Variants in ERICH1 observed in about 807,000 individuals in gnomAD.
The protein encoded by ERICH1 is glutamate-rich protein 1.
In ERICH1, 56 loss-of-function variants were observed where a neutral mutation model predicts 39.6. The ratio of observed to expected loss-of-function variants is 1.41; its 90% confidence interval spans 1.14 to 1.77. ERICH1 has a LOEUF of 1.77. ERICH1 is among the 40% of genes most tolerant of loss of function. The probability of loss-of-function intolerance (pLI) is 0.00; values close to 1 mark genes in which losing one functional copy is unlikely to be tolerated. For synonymous variants in ERICH1, 313 were observed against 223.6 expected, an observed-to-expected ratio of 1.40 and a Z score of -3.57; for missense variants, 826 against 575.4, an observed-to-expected ratio of 1.44 and a Z score of -4.45.
intron 4 of ERICH1, among the ~76,000 whole-genome samples, chr8:669,783 C>T (rs1490651368): frequency 6.6e-6 from 1 of 152,230 alleles, no homozygotes; most frequent in Non-Finnish European, 1.5e-5. Context: ...GAAAACAAGC[C>T]CCCGACTTCC....
chr8:674,898 C>CT (rs1323145712), intron 3 of ERICH1, among the ~76,000 whole-genome samples: 10 of 152,308 alleles, frequency 6.6e-5, no homozygotes, highest in African/African-American at 9.6e-5. Flanking sequence ...CGGAAAAGTC[C>CT]TGAGTCCTCC....
chr8:692,609 G>C lies in ERICH1; in HGVS notation c.173C>G (p.Thr58Ser), dbSNP rs773045663. Residue 58 changes from threonine (T) to serine (S), a missense_variant, in exon 3 of 6, where the codon ACT (threonine) becomes AGT (serine). Coordinates refer to ENST00000262109, the MANE Select transcript of ERICH1 (RefSeq NM_207332.3). ...SQKHAEPLTDTGSETPTARRL... is the reference protein window; with the variant it reads ...SQKHAEPLTDSGSETPTARRL... ...TCGGGCAGTCGGGGTCTCAGAGCCA[G>C]TGTCTGCAACACAGGAGGAAAATAA... 1.1e-5 allele frequency: 18 copies of C among 1,595,960 alleles called. No homozygotes were observed. Among genetic ancestry groups the C allele is most frequent in the Middle Eastern group, 1.7e-4 (1 of 6,014 alleles).
At chr8:718,174 A>G (rs193248964) in intron 1 of ERICH1, among the ~76,000 whole-genome samples, 1 of 152,174 alleles carries the variant, frequency 6.6e-6, no homozygotes, top group East Asian at 1.9e-4. Flanking sequence ...CGCACAACGC[A>G]CAACACACCA....
chr8:713,392 A>G (rs1029014364), intron 2 of ERICH1, among the ~76,000 whole-genome samples: 1 of 152,238 alleles, frequency 6.6e-6, no homozygotes, highest in Admixed American at 6.5e-5. Flanking sequence ...ATCCTACTAC[A>G]CTGGGAGCTT....
At chr8:621,969 C>T (rs533137190) in intron 3 of ERICH1, among the ~76,000 whole-genome samples, 27 of 152,324 alleles carry the variant, frequency 1.8e-4, no homozygotes, top group African/African-American at 6.5e-4. Flanking sequence ...AATCCCAGCA[C>T]GTTGGGAGGC....
chr8:704,287 G>C (rs189634911), intron 2 of ERICH1, among the ~76,000 whole-genome samples: 1 of 152,318 alleles, frequency 6.6e-6, no homozygotes, highest in African/African-American at 2.4e-5. Flanking sequence ...GGACAGCAAA[G>C]GAAGCCCCCG....
intron 3 of ERICH1, among the ~76,000 whole-genome samples, chr8:617,000 G>A (rs17739208): frequency 0.78 from 75,310 of 96,226 alleles, 31,838 homozygotes; most frequent in East Asian, 0.99. Context: ...TTATATAAGC[G>A]AGCAAATATC....
rs1031464344 is a variant in ERICH1, at chr8:673,912, G to C, written c.440C>G (p.Ser147Cys). 1.2e-6 allele frequency: 2 copies of C among 1,613,292 alleles called. No homozygotes were observed. Among genetic ancestry groups the C allele is most frequent in the Non-Finnish European group, 1.7e-6 (2 of 1,180,018 alleles). The stretch of plus-strand genomic sequence containing the variant: ...GGTGCCATCTGTGTGCTGTCGCTGA[G>C]ATTTCTCCTGTAACAGACTCTGCTG... ...EKQQSLLQEK[S>C]QRQHTDGTTI... The change falls in exon 4 of 6, where the codon TCT (serine) becomes TGT (cysteine). Residue 147 changes from serine to cysteine, a missense_variant. Physicochemically the swap from Ser to Cys is moderately radical, Grantham distance 112. Transcript: ENST00000262109.
chr8:664,393 T>A lies in ERICH1; in HGVS notation c.*210A>T. On this transcript the variant is annotated 3_prime_UTR_variant, in exon 6 of 6. Coordinates refer to ENST00000262109, the MANE Select transcript of ERICH1 (RefSeq NM_207332.3). Reference sequence around the variant, plus strand: ...TTTATGTAGTAATTCAAGATATATATAATTGCAAATAAGTGAAAAATTTCC... The same window carrying A: ...TTTATGTAGTAATTCAAGATATATAAAATTGCAAATAAGTGAAAAATTTCC... 1 of 1,224,214 alleles carries A rather than the reference T, an allele frequency of 8.2e-7. No individual in the cohort carries two copies. The allele number at this position is 1,224,214 out of a possible 1,614,324, so 75.8% of individuals were successfully genotyped here. A position where few individuals can be genotyped will look rare whatever the true frequency, so the allele number is the denominator to read the frequency against.
At chr8:690,727 G>A (rs919823215) in intron 3 of ERICH1, among the ~76,000 whole-genome samples, 1 of 152,266 alleles carries the variant, frequency 6.6e-6, no homozygotes, top group African/African-American at 2.4e-5. Context: ...TGCCCAGGGG[G>A]CCTGGTGCCA....
At chr8:727,007 GGCACACACATGCAT>G (rs1563377973) in intron 1 of ERICH1, among the ~76,000 whole-genome samples, 1 of 148,440 alleles carries the variant, frequency 6.7e-6, no homozygotes, top group Admixed American at 6.7e-5. Flanking sequence ...ACACCACACA[GGCACACACATGCAT>G]GCACACACAT....
intron 3 of ERICH1, among the ~76,000 whole-genome samples, chr8:652,095 G>A (rs1800032536): frequency 6.6e-6 from 1 of 152,196 alleles, no homozygotes; most frequent in Non-Finnish European, 1.5e-5. Context: ...GTTTACCACC[G>A]ACGGCTCTGC....
chr8:670,650 G>A (rs749619704), intron 4 of ERICH1, among the ~76,000 whole-genome samples: 14 of 152,280 alleles, frequency 9.2e-5, no homozygotes, highest in Admixed American at 5.9e-4. Context: ...TATGTTATTC[G>A]GAGGCTCTCT....
chr8:687,839 G>A (rs545038067), intron 3 of ERICH1, among the ~76,000 whole-genome samples: 43 of 152,298 alleles, frequency 2.8e-4, no homozygotes, highest in African/African-American at 9.9e-4. Flanking sequence ...AGAGGCCCCG[G>A]ATGCAGCGGT....
At chr8:627,954 G>C (rs1797693019) in intron 3 of ERICH1, among the ~76,000 whole-genome samples, 1 of 152,146 alleles carries the variant, frequency 6.6e-6, no homozygotes, top group South Asian at 2.1e-4. Flanking sequence ...GGGGGGCCTG[G>C]AACGTGCTGA....
At chr8:714,744 A>G (rs1469523092) in intron 2 of ERICH1, among the ~76,000 whole-genome samples, 20 of 119,832 alleles carry the variant, frequency 1.7e-4, no homozygotes, top group African/African-American at 6.1e-4. Flanking sequence ...CTCTTCCGGC[A>G]TCTCTCGGTG....
intron 3 of ERICH1, among the ~76,000 whole-genome samples, chr8:640,179 C>A (rs542375078): frequency 6.6e-6 from 1 of 152,116 alleles, no homozygotes; most frequent in Non-Finnish European, 1.5e-5. Flanking sequence ...AGTGGAATGC[C>A]GCCTAATCAA....
At chr8:694,303 T>C (rs1237746028) in intron 2 of ERICH1, among the ~76,000 whole-genome samples, 2 of 152,248 alleles carry the variant, frequency 1.3e-5, no homozygotes, top group Non-Finnish European at 2.9e-5. Context: ...CAGATGGAGA[T>C]GGCTTCTAAG....
intron 3 of ERICH1, among the ~76,000 whole-genome samples, chr8:634,881 G>C (rs1310399770): frequency 6.6e-6 from 1 of 152,174 alleles, no homozygotes; most frequent in Non-Finnish European, 1.5e-5. Context: ...CTCCTTCCAG[G>C]AATCAGGTAA....
Sources: gnomAD v4.1 joint callset for allele counts (sites outside exome capture counted in the v4.1 genomes callset) on GRCh38, gnomAD v4.1.1 for gene constraint, MANE v1.5 for transcripts, NCBI Gene and HGNC (gene_info 2026-07-23, HGNC 2026-07-21) for gene names.